BAZ1B: variants seen among roughly 807,000 people sequenced by gnomAD.
BAZ1B encodes tyrosine-protein kinase BAZ1B.
A neutral mutation model predicts 153.8 loss-of-function variants in BAZ1B; 22 were observed. The observed-to-expected ratio is 0.14, with a 90% CI of 0.10 to 0.20. The LOEUF is 0.20. BAZ1B is among the 10% of genes least tolerant of loss of function. The pLI, the probability that BAZ1B is intolerant of heterozygous loss-of-function variation, is 1.00. For missense variants in BAZ1B, 1,325 were observed against 1,799.3 expected (o/e 0.74, Z 4.77); for synonymous variants, 676 against 633.4 (o/e 1.07, Z -1.01).
intron 1 of BAZ1B, among the ~76,000 whole-genome samples, chr7:73,521,523 C>A (rs1389007943): frequency 6.6e-6 from 1 of 152,176 alleles, no homozygotes; most frequent in East Asian, 1.9e-4. Context: ...TAAAGCCAAC[C>A]CGGGGAAGGT....
At chr7:73,455,452 A>G (rs782747740) in intron 13 of BAZ1B, among the ~76,000 whole-genome samples, 4 of 152,198 alleles carry the variant, frequency 2.6e-5, no homozygotes, top group African/African-American at 7.2e-5. Context: ...TTATTCTATT[A>G]AGTTTCATAT....
At chr7:73,497,501 T>C (rs563740427) in intron 4 of BAZ1B, among the ~76,000 whole-genome samples, 2 of 152,320 alleles carry the variant, frequency 1.3e-5, no homozygotes, top group Admixed American at 6.5e-5. Flanking sequence ...GATTTCTGTA[T>C]ATATTTTATG....
At chr7:73,513,257 G>GT (rs1554578825) in intron 1 of BAZ1B, among the ~76,000 whole-genome samples, 2 of 152,154 alleles carry the variant, frequency 1.3e-5, no homozygotes, top group African/African-American at 4.8e-5. Flanking sequence ...CCAGCCGCAT[G>GT]TTTAATAAAT....
At chr7:73,479,731 A>T (rs566296563) in intron 6 of BAZ1B, among the ~76,000 whole-genome samples, 1 of 152,224 alleles carries the variant, frequency 6.6e-6, no homozygotes, top group South Asian at 2.1e-4. Context: ...CATGATAATT[A>T]ATCTCACATA....
rs1156963604 is a variant in BAZ1B at position 73,492,692 on chromosome 7, GTACA to G, written c.693+104_693+107del. The G allele has an allele frequency of 9.7e-6, 11 of 1,136,168 alleles. No homozygotes were observed. In the Admixed American group the frequency reaches 1.8e-4, roughly 18 times the overall value. The allele number at this position is 1,136,168 out of a possible 1,614,324, so 70.4% of individuals were successfully genotyped here. A position where few individuals can be genotyped will look rare whatever the true frequency, so the allele number is the denominator to read the frequency against. On this transcript the variant is annotated intron_variant, in intron 5 of 19. Coordinates refer to ENST00000339594, the MANE Select transcript of BAZ1B (RefSeq NM_032408.4). ...ACTACAAAACCACTCAGAATCTGCT[GTACA>G]TTCATTTACATTTTTCTTCAGCACA...
At chr7:73,453,522 C>T (rs7780317) in intron 13 of BAZ1B, among the ~76,000 whole-genome samples, 7,598 of 152,286 alleles carry the variant, frequency 0.05, 214 homozygotes, top group Non-Finnish European at 0.07. Context: ...GGACAGATCA[C>T]ATCAAGAAAG....
At chr7:73,467,674 G>C (rs1788647910) in intron 9 of BAZ1B, among the ~76,000 whole-genome samples, 1 of 152,134 alleles carries the variant, frequency 6.6e-6, no homozygotes. Flanking sequence ...TCCAGCCTCA[G>C]TTGGGTAATT....
At position 73,493,855 on chromosome 7, in the gene BAZ1B, AAG is replaced by A. The variant is rs1253548295; in HGVS notation, c.572-936_572-935del. 7.4e-4 allele frequency among the ~76,000 whole-genome samples: 111 copies of A among 150,874 alleles called. 2 individuals are homozygous for A. Among genetic ancestry groups the A allele is most frequent in the African/African-American group, 2.6e-3 (107 of 40,880 alleles). On this transcript the variant is annotated intron_variant, in intron 4 of 19. Transcript: ENST00000339594. Reference sequence around the variant, plus strand: ...CCCTGTCTCCAAAAAAAAAAAAAAAAAGAGAGAGAGAGAGAATACGATATGAC... The same window carrying A: ...CCCTGTCTCCAAAAAAAAAAAAAAAAAGAGAGAGAGAGAATACGATATGAC...
In BAZ1B at chr7:73,486,396, G is replaced by A. The variant is rs896525967; in HGVS notation, c.891+2798C>T. Among the ~76,000 whole-genome samples, 12 of 151,938 alleles carry A rather than the reference G, an allele frequency of 7.9e-5. 1 individual carries two copies. The highest frequency in any genetic ancestry group is 5.9e-4 in the Admixed American group (9 of 15,228). ...GGCTGGAGTGCAGTGGCGTGATCTCGGCTCACTACAAGCTCAGCCTCCCAG... is the reference window on the plus strand; with the variant it reads ...GGCTGGAGTGCAGTGGCGTGATCTCAGCTCACTACAAGCTCAGCCTCCCAG... On this transcript the variant is annotated intron_variant, in intron 6 of 19. Coordinates refer to ENST00000339594, the MANE Select transcript of BAZ1B (RefSeq NM_032408.4).
chr7:73,505,282 G>A (rs1479048139), intron 3 of BAZ1B, among the ~76,000 whole-genome samples: 1 of 152,128 alleles, frequency 6.6e-6, no homozygotes, highest in Non-Finnish European at 1.5e-5. Context: ...TCTGAATACA[G>A]TCACATTTTT....
intron 9 of BAZ1B, among the ~76,000 whole-genome samples, chr7:73,469,006 TG>T (rs1391907862): frequency 2.0e-5 from 3 of 151,968 alleles, no homozygotes; most frequent in African/African-American, 7.3e-5. Context: ...GGCACACACC[TG>T]TAGTCCCAGC....
At chr7:73,462,099 T>C (rs1360039860) in intron 12 of BAZ1B, among the ~76,000 whole-genome samples, 2 of 152,210 alleles carry the variant, frequency 1.3e-5, no homozygotes, top group African/African-American at 4.8e-5. Context: ...CAGCCAGGCA[T>C]GGTTGCTTGT....
At position 73,490,730 on chromosome 7, in the gene BAZ1B, C is replaced by T. The variant is rs1244488351; in HGVS notation, c.694-1339G>A. Reference sequence around the variant, plus strand: ...AAGCTATTCTCCTGCCTCAGCCTCCCTAGTAGCTGGGATTACAGGCATGTG... The same window carrying T: ...AAGCTATTCTCCTGCCTCAGCCTCCTTAGTAGCTGGGATTACAGGCATGTG... On this transcript the variant is annotated intron_variant, in intron 5 of 19. Transcript: ENST00000339594. Among the ~76,000 whole-genome samples, 3 of 151,794 alleles carry T rather than the reference C, an allele frequency of 2.0e-5. No homozygotes were observed. The East Asian group carries it at 5.9e-4, about 30-fold the overall frequency.
At chr7:73,499,194 A>G (rs1790031546) in intron 3 of BAZ1B, among the ~76,000 whole-genome samples, 1 of 152,024 alleles carries the variant, frequency 6.6e-6, no homozygotes, top group Non-Finnish European at 1.5e-5. Context: ...TGCCAGGCTA[A>G]TTTTTGTATT....
At chr7:73,466,581 GCAT>G (rs1357905684) in intron 9 of BAZ1B, among the ~76,000 whole-genome samples, 180 bp from the exon 10 acceptor site, 1 of 152,112 alleles carries the variant, frequency 6.6e-6, no homozygotes, top group East Asian at 1.9e-4. Flanking sequence ...CTTAAACACA[GCAT>G]GTTATCTCAG....
intron 3 of BAZ1B, among the ~76,000 whole-genome samples, chr7:73,500,594 T>G (rs1554576997): frequency 6.7e-6 from 1 of 148,820 alleles, no homozygotes; most frequent in Admixed American, 6.7e-5. Flanking sequence ...CAATGCTCAT[T>G]AAGAGTTCAA....
chr7:73,513,244 C>T (rs782306149), intron 1 of BAZ1B, among the ~76,000 whole-genome samples: 1 of 152,180 alleles, frequency 6.6e-6, no homozygotes, highest in Non-Finnish European at 1.5e-5. Context: ...TGAGCCACCA[C>T]GCCCAGCCGC....
chr7:73,446,721 CT>C (rs1384404026), intron 16 of BAZ1B, among the ~76,000 whole-genome samples: 1 of 152,120 alleles, frequency 6.6e-6, no homozygotes, highest in African/African-American at 2.4e-5. Flanking sequence ...TTTTTTCCTA[CT>C]GGCATCTAGT....
chr7:73,481,321 A>T (rs1329394482), intron 6 of BAZ1B, among the ~76,000 whole-genome samples: 2 of 151,872 alleles, frequency 1.3e-5, no homozygotes, highest in Admixed American at 6.6e-5. Flanking sequence ...AGGTCAGGAG[A>T]TTGAGACCAC....
Sources: allele counts gnomAD v4.1 joint callset (sites outside exome capture counted in the v4.1 genomes callset), GRCh38; gene constraint gnomAD v4.1.1; transcripts MANE v1.5; gene names NCBI Gene and HGNC (gene_info 2026-07-23, HGNC 2026-07-21).